Variants in CORO7 observed in about 807,000 individuals in gnomAD.
The protein encoded by CORO7 is coronin-7.
A neutral mutation model predicts 126.6 loss-of-function variants in CORO7; 107 were observed. The ratio of observed to expected loss-of-function variants is 0.85; its 90% CI spans 0.72 to 0.99. CORO7 has a LOEUF of 0.99. Ranked by LOEUF, CORO7 falls within the 50% of genes least tolerant of loss-of-function variation. The pLI, the probability that CORO7 is intolerant of heterozygous loss-of-function variation, is 0.00. For missense variants in CORO7, 1,314 were observed against 1,255.8 expected (o/e 1.05, Z -0.70); for synonymous variants, 603 against 536.8 (o/e 1.12, Z -1.70).
intron 2 of CORO7, 99 bp downstream of exon 2, chr16:4,413,209 G>C (rs2056278982): frequency 1.6e-5 from 20 of 1,283,020 alleles, no homozygotes; most frequent in Non-Finnish European, 2.1e-5. Flanking sequence ...TCCGTTCCAA[G>C]TCTCCAAATA....
At chr16:4,359,413 C>A (rs2141179127) in intron 22 of CORO7, 28 bp from the exon 23 acceptor site, 1 of 1,612,602 alleles carries the variant, frequency 6.2e-7, no homozygotes, top group East Asian at 2.2e-5. Flanking sequence ...GGCTGGGAAC[C>A]CTCCGGCAAC....
chr16:4,370,184 G>T (rs1362997081), intron 9 of CORO7, among the ~76,000 whole-genome samples: 1 of 152,236 alleles, frequency 6.6e-6, no homozygotes, highest in South Asian at 2.1e-4. Flanking sequence ...GGCATCTGTG[G>T]ATGCTTCTGA....
At chr16:4,384,011 C>A (rs2055100404) in intron 9 of CORO7, among the ~76,000 whole-genome samples, 1 of 152,348 alleles carries the variant, frequency 6.6e-6, no homozygotes, top group East Asian at 1.9e-4. Flanking sequence ...CAGCCCCATG[C>A]CACTCCACTG....
chr16:4,414,098 G>A (rs1394190595), intron 1 of CORO7, among the ~76,000 whole-genome samples: 2 of 151,538 alleles, frequency 1.3e-5, no homozygotes, highest in African/African-American at 4.8e-5. Flanking sequence ...GGCTGAGGGA[G>A]GAGAATCACT....
rs770127407 is a variant in CORO7, at chr16:4,362,142, CG to C, written c.1420del (p.Arg474AlafsTer74). The C allele has an allele frequency of 2.5e-6, 4 of 1,607,328 alleles. No homozygotes were observed. The highest frequency in any genetic ancestry group is 3.4e-6 in the Non-Finnish European group (4 of 1,177,998). On this transcript the variant is annotated frameshift_variant, in exon 16 of 28. Transcript: ENST00000251166. LOFTEE classifies it high-confidence loss of function. The surrounding 1 kb of genome is among the most constrained non-coding windows in gnomAD (Gnocchi z 5.3). ...GTGCAGGACAGTGCCCTGAGCATGGCGGAACTTGGAACTGGGGCCTGGCAGG... is the reference window on the plus strand; with the variant it reads ...GTGCAGGACAGTGCCCTGAGCATGGCGAACTTGGAACTGGGGCCTGGCAGG... ...QSLLGPSSKF[R>X]HAQGTVLHRD...
At chr16:4,399,922 C>T (rs1442249764) in intron 6 of CORO7, among the ~76,000 whole-genome samples, 2 of 152,174 alleles carry the variant, frequency 1.3e-5, no homozygotes, top group African/African-American at 4.8e-5. Context: ...CACAAAAATA[C>T]ATTGCTAAGT....
chr16:4,361,624 G>A lies in CORO7; in HGVS notation c.1579-155C>T, dbSNP rs2054183292. The A allele has an allele frequency of 1.8e-5, 17 of 950,664 alleles. No homozygotes were observed. The East Asian group carries it at 1.8e-4, about 10-fold the overall frequency. The allele number at this position is 950,664 out of a possible 1,614,324, so 58.9% of individuals were successfully genotyped here. A position where few individuals can be genotyped will look rare whatever the true frequency, so the allele number is the denominator to read the frequency against. On this transcript the variant is annotated intron_variant, in intron 16 of 27. Transcript: ENST00000251166. Reference sequence around the variant, plus strand: ...AAGCTCTCTGCCCTGACCACCTTGCGCTCTGAGCCCCAAGTGCCAACCACA... The same window carrying A: ...AAGCTCTCTGCCCTGACCACCTTGCACTCTGAGCCCCAAGTGCCAACCACA...
chr16:4,360,175 G>T (rs1158616852), intron 21 of CORO7, 103 bp downstream of exon 21: 5 of 1,455,724 alleles, frequency 3.4e-6, no homozygotes, highest in Non-Finnish European at 4.7e-6. Context: ...ATCCAGTGAG[G>T]GGCAGGAATG....
chr16:4,377,333 G>A (rs931042781), intron 9 of CORO7, among the ~76,000 whole-genome samples: 1 of 150,296 alleles, frequency 6.7e-6, no homozygotes, highest in Non-Finnish European at 1.5e-5. Context: ...TCAAAGCCCA[G>A]GTCCTGGGAT....
chr16:4,381,866 T>G, intron 9 of CORO7: 2 of 1,603,332 alleles, frequency 1.2e-6, no homozygotes, highest in Non-Finnish European at 1.7e-6. Context: ...CGCTGCCACT[T>G]CCCGCCCAAG....
At chr16:4,377,959 G>A (rs905019133) in intron 9 of CORO7, among the ~76,000 whole-genome samples, 14 of 152,122 alleles carry the variant, frequency 9.2e-5, no homozygotes, top group African/African-American at 3.4e-4. Context: ...CCTGTCAGCC[G>A]GAAAGCCACC....
At chr16:4,414,779 C>T (rs1348135933) in intron 1 of CORO7, among the ~76,000 whole-genome samples, 1 of 152,212 alleles carries the variant, frequency 6.6e-6, no homozygotes, top group African/African-American at 2.4e-5. Context: ...ATTCTCCAGA[C>T]CCCTCCAAGC....
rs773888904 is a variant in CORO7 at position 4,361,335 on chromosome 16, C to G, written c.1687+26G>C. Reference sequence around the variant, plus strand: ...CTATCCGGGACCCAGGACCCTCCCTCAAGCCCAGGCACCCAGCCTCCTTAC... The same window carrying G: ...CTATCCGGGACCCAGGACCCTCCCTGAAGCCCAGGCACCCAGCCTCCTTAC... On this transcript the variant is annotated intron_variant, in intron 17 of 27. Coordinates refer to ENST00000251166, the MANE Select transcript of CORO7 (RefSeq NM_024535.5). 2.5e-6 allele frequency: 4 copies of G among 1,611,250 alleles called. No individual in the cohort carries two copies. In the African/African-American group the frequency reaches 5.3e-5, roughly 22 times the overall value.
At chr16:4,396,112 C>T (rs185700847) in intron 6 of CORO7, among the ~76,000 whole-genome samples, 1 of 152,060 alleles carries the variant, frequency 6.6e-6, no homozygotes, top group Non-Finnish European at 1.5e-5. Context: ...CAGAGTTTTG[C>T]TCTGTCACCC....
chr16:4,382,559 C>G (rs757367342), intron 9 of CORO7: 9 of 1,593,378 alleles, frequency 5.6e-6, no homozygotes, highest in African/African-American at 1.3e-5. Flanking sequence ...GCCGTCCACT[C>G]CAACCACGCC....
At chr16:4,355,545 T>C in intron 26 of CORO7, 173 bp from the exon 27 acceptor site, 2 of 662,202 alleles carry the variant, frequency 3.0e-6, no homozygotes, top group South Asian at 1.9e-5. Context: ...CTCGGCTCAC[T>C]GCAAGCTCTG....
At chr16:4,405,613 A>C in intron 5 of CORO7, 46 bp from the exon 6 acceptor site, 1 of 1,492,872 alleles carries the variant, frequency 6.7e-7, no homozygotes, top group Non-Finnish European at 9.2e-7. Flanking sequence ...TGAGGGCACC[A>C]GGGAAGTGGG....
chr16:4,412,222 G>T, intron 3 of CORO7, 134 bp downstream of exon 3: 1 of 927,144 alleles, frequency 1.1e-6, no homozygotes. Flanking sequence ...CTGTCTCTCA[G>T]AGAGTGCACA....
intron 9 of CORO7, among the ~76,000 whole-genome samples, chr16:4,384,969 G>C (rs999915457): frequency 3.3e-5 from 5 of 152,216 alleles, no homozygotes; most frequent in African/African-American, 1.2e-4. Context: ...GTGGCAGGGG[G>C]CAGTGGCGGG....
Sources: gnomAD v4.1 joint callset for allele counts (sites outside exome capture counted in the v4.1 genomes callset) on GRCh38, gnomAD v4.1.1 for gene constraint, Gnocchi (gnomAD v3.1) non-coding constraint, MANE v1.5 for transcripts, NCBI Gene and HGNC (gene_info 2026-07-23, HGNC 2026-07-21) for gene names.